Variants in MAPKAP1 observed in about 807,000 individuals in gnomAD.
MAPKAP1 encodes target of rapamycin complex 2 subunit MAPKAP1.
MAPKAP1 carries 20 observed loss-of-function variants against 65.7 expected under a neutral mutation model. The ratio of observed to expected loss-of-function variants is 0.30; its 90% CI spans 0.21 to 0.44. MAPKAP1 has a LOEUF of 0.44. Among genes scored for constraint, MAPKAP1 ranks in the 20% least tolerant of loss-of-function variants. MAPKAP1 has a pLI of 1.00. For missense variants in MAPKAP1, 423 were observed against 648.0 expected (o/e 0.65, Z 3.77); for synonymous variants, 222 against 244.3 (o/e 0.91, Z 0.85).
chr9:125,458,293 A>G (rs1853276638), intron 10 of MAPKAP1, among the ~76,000 whole-genome samples: 1 of 149,686 alleles, frequency 6.7e-6, no homozygotes, highest in South Asian at 2.1e-4. Flanking sequence ...ATATGACAAT[A>G]GTGGAGGGAA....
intron 6 of MAPKAP1, among the ~76,000 whole-genome samples, chr9:125,549,074 C>A (rs1830510206): frequency 6.6e-6 from 1 of 152,210 alleles, no homozygotes. Flanking sequence ...ATCTTCCATA[C>A]CGGAACCACT....
chr9:125,665,875 T>C (rs1484790110), intron 3 of MAPKAP1, among the ~76,000 whole-genome samples: 3 of 152,190 alleles, frequency 2.0e-5, no homozygotes, highest in Non-Finnish European at 4.4e-5. Flanking sequence ...AGCTACATTG[T>C]TGTTTTGCAT....
At chr9:125,693,530 TATACAC>T (rs1835245358) in intron 1 of MAPKAP1, among the ~76,000 whole-genome samples, 1 of 96,976 alleles carries the variant, frequency 1.0e-5, no homozygotes, top group Non-Finnish European at 1.9e-5. Flanking sequence ...TATATACACA[TATACAC>T]ACACATATAT....
chr9:125,657,699 A>G lies in MAPKAP1; in HGVS notation c.450T>C (p.Pro150=). 6.2e-7 allele frequency: 1 copy of G among 1,613,614 alleles called. No individual in the cohort carries two copies. Among genetic ancestry groups the G allele is most frequent in the Non-Finnish European group, 8.5e-7 (1 of 1,179,800 alleles). ...CGTTAAAAGGGTTATTCAGCTGCAGAGGGCACTGTTCTAGGCGTACAGATA... is the reference window on the plus strand; with the variant it reads ...CGTTAAAAGGGTTATTCAGCTGCAGGGGGCACTGTTCTAGGCGTACAGATA... ...SILSVRLEQC[P]LQLNNPFNEY... Residue 150 remains proline (P), a synonymous_variant, in exon 4 of 12, where the codon CCT becomes CCC. Transcript: ENST00000265960.
intron 7 of MAPKAP1, among the ~76,000 whole-genome samples, chr9:125,509,611 T>G (rs902659358): frequency 6.6e-6 from 1 of 152,204 alleles, no homozygotes. Context: ...CATATTTTCA[T>G]GTGAAGCAAC....
At chr9:125,457,835 G>A (rs1853246511) in intron 10 of MAPKAP1, among the ~76,000 whole-genome samples, 1 of 152,224 alleles carries the variant, frequency 6.6e-6, no homozygotes, top group Non-Finnish European at 1.5e-5. Flanking sequence ...GCCCAGCCTT[G>A]TAAGGTCCCA....
At chr9:125,557,769 A>G (rs1011309564) in intron 6 of MAPKAP1, among the ~76,000 whole-genome samples, 1 of 152,216 alleles carries the variant, frequency 6.6e-6, no homozygotes, top group African/African-American at 2.4e-5. Context: ...ACTACTAGAT[A>G]GTAAGCTCCA....
At chr9:125,443,841 T>C (rs556774554) in intron 11 of MAPKAP1, among the ~76,000 whole-genome samples, 1 of 152,068 alleles carries the variant, frequency 6.6e-6, no homozygotes, top group African/African-American at 2.4e-5. Context: ...CAGCTCTCCC[T>C]GCCTCCATAC....
chr9:125,561,848 G>C (rs1342763545), intron 5 of MAPKAP1, among the ~76,000 whole-genome samples: 1 of 152,200 alleles, frequency 6.6e-6, no homozygotes, highest in Non-Finnish European at 1.5e-5. Flanking sequence ...AAGTCATATG[G>C]AAACTAACTT....
chr9:125,559,242 G>C (rs934026636), intron 6 of MAPKAP1: 1 of 156,356 alleles, frequency 6.4e-6, no homozygotes, highest in Non-Finnish European at 1.4e-5. Context: ...AATTTGGTCT[G>C]AGAGAAAATT....
chr9:125,450,886 C>G (rs1455244738), intron 10 of MAPKAP1, among the ~76,000 whole-genome samples: 1 of 152,240 alleles, frequency 6.6e-6, no homozygotes, highest in Non-Finnish European at 1.5e-5. Context: ...TGGGTCTCCT[C>G]TCCACCGTAA....
Position 125,646,417 on chromosome 9 carries a change from G to C in MAPKAP1, c.498+11234C>G, listed in dbSNP as rs147487976. On this transcript the variant is annotated intron_variant, in intron 4 of 11. Transcript: ENST00000265960. ...AGCCTAGCCATCATTTATCCCTTCC[G>C]TGAAGTTTCAGTTTCCTTCTCTGTA... Among the ~76,000 whole-genome samples the C allele has an allele frequency of 3.0e-3, 464 of 152,288 alleles. 2 individuals carry two copies. Among genetic ancestry groups the C allele is most frequent in the African/African-American group, 4.4e-3 (182 of 41,562 alleles).
intron 4 of MAPKAP1, among the ~76,000 whole-genome samples, chr9:125,642,811 C>CCTGG (rs553041147): frequency 1.2e-3 from 180 of 152,260 alleles, no homozygotes; most frequent in Admixed American, 2.1e-3. Flanking sequence ...GTATCAAGAG[C>CCTGG]CTGGACACAG....
chr9:125,445,151 G>A, intron 10 of MAPKAP1, among the ~76,000 whole-genome samples: 1 of 151,890 alleles, frequency 6.6e-6, no homozygotes, highest in Non-Finnish European at 1.5e-5. Context: ...GGGGCGGGGG[G>A]GGCACCATGG....
At chr9:125,583,830 G>A (rs1489976846) in intron 5 of MAPKAP1, among the ~76,000 whole-genome samples, 5 of 152,192 alleles carry the variant, frequency 3.3e-5, no homozygotes, top group Non-Finnish European at 5.9e-5. Context: ...TTGAGAGGCC[G>A]AGGCGGGTGG....
chr9:125,576,441 AAT>A (rs1484775647), intron 5 of MAPKAP1, among the ~76,000 whole-genome samples: 2 of 152,164 alleles, frequency 1.3e-5, no homozygotes, highest in African/African-American at 2.4e-5. Flanking sequence ...TGCTCTAAAA[AAT>A]AGTCGATTAA....
chr9:125,557,063 T>C (rs1313879003), intron 6 of MAPKAP1, among the ~76,000 whole-genome samples: 1 of 152,066 alleles, frequency 6.6e-6, no homozygotes, highest in Non-Finnish European at 1.5e-5. Context: ...TGTCTGGGAG[T>C]GGGAACACAG....
At chr9:125,643,819 C>T (rs1833648269) in intron 4 of MAPKAP1, among the ~76,000 whole-genome samples, 1 of 152,144 alleles carries the variant, frequency 6.6e-6, no homozygotes, top group African/African-American at 2.4e-5. Flanking sequence ...GAAAACTTCG[C>T]CAATTTTTGG....
At chr9:125,704,342 G>T (rs1419130725) in intron 1 of MAPKAP1, among the ~76,000 whole-genome samples, 1 of 152,070 alleles carries the variant, frequency 6.6e-6, no homozygotes, top group Non-Finnish European at 1.5e-5. Flanking sequence ...ATGAGATAAA[G>T]CATTTAACAT....
Sources: gnomAD v4.1 joint callset for allele counts (sites outside exome capture counted in the v4.1 genomes callset) on GRCh38, gnomAD v4.1.1 for gene constraint, MANE v1.5 for transcripts, NCBI Gene and HGNC (gene_info 2026-07-23, HGNC 2026-07-21) for gene names.